The following FSTL4 variants were observed in gnomAD, a reference collection of about 807,000 sequenced individuals.
The protein encoded by FSTL4 is follistatin-related protein 4.
FSTL4 carries 28 observed loss-of-function variants against 78.2 expected under a neutral mutation model. The observed-to-expected ratio is 0.36, with a 90% CI of 0.27 to 0.49. The LOEUF (loss-of-function observed/expected upper bound fraction) is 0.49. FSTL4 is among the 20% of genes least tolerant of loss of function. FSTL4 has a pLI of 0.98. For missense variants in FSTL4, 922 were observed against 1,084.9 expected (o/e 0.85, Z 2.11); for synonymous variants, 422 against 440.5 (o/e 0.96, Z 0.53).
At chr5:133,292,179 A>G (rs1228376777) in intron 6 of FSTL4, among the ~76,000 whole-genome samples, 3 of 152,088 alleles carry the variant, frequency 2.0e-5, no homozygotes, top group Non-Finnish European at 2.9e-5. Flanking sequence ...TTCTTTCTCC[A>G]TCTCTGACCC....
chr5:133,322,588 G>A (rs1754098360), intron 4 of FSTL4, among the ~76,000 whole-genome samples: 1 of 152,172 alleles, frequency 6.6e-6, no homozygotes, highest in Non-Finnish European at 1.5e-5. Flanking sequence ...AATCCCATGG[G>A]GTCCTCAGAG....
chr5:133,293,376 C>T (rs1483671346), intron 6 of FSTL4, among the ~76,000 whole-genome samples: 2 of 152,206 alleles, frequency 1.3e-5, no homozygotes, highest in African/African-American at 4.8e-5. Context: ...CAGGTCGGTC[C>T]TCCTCAAACT....
rs141594006 is a variant in FSTL4, at chr5:133,260,129, C to T, written c.728-10553G>A. ...AAGTCTTTATCATCTGGGTCCCCGTCGTCCCAAGTTTCCTGGGGTTGGACT... is the reference window on the plus strand; with the variant it reads ...AAGTCTTTATCATCTGGGTCCCCGTTGTCCCAAGTTTCCTGGGGTTGGACT... On this transcript the variant is annotated intron_variant, in intron 6 of 15. Coordinates refer to ENST00000265342, the MANE Select transcript of FSTL4 (RefSeq NM_015082.2). 1.4e-3 allele frequency among the ~76,000 whole-genome samples: 210 copies of T among 152,356 alleles called. 1 individual carries two copies. The highest frequency in any genetic ancestry group is 4.7e-3 in the African/African-American group (195 of 41,576).
At chr5:133,209,031 C>T (rs1205303436) in intron 14 of FSTL4, among the ~76,000 whole-genome samples, 1 of 152,046 alleles carries the variant, frequency 6.6e-6, no homozygotes, top group African/African-American at 2.4e-5. Flanking sequence ...TTCTAGTGGC[C>T]CCTCCTCTTG....
the FSTL4 span, among the ~76,000 whole-genome samples, chr5:133,627,454 A>G: frequency 6.6e-6 from 1 of 152,180 alleles, no homozygotes; most frequent in African/African-American, 2.4e-5. Context: ...TGATTCAATT[A>G]TCTCTCACTG....
At chr5:133,221,870 T>C (rs1751117343) in intron 11 of FSTL4, among the ~76,000 whole-genome samples, 1 of 146,752 alleles carries the variant, frequency 6.8e-6, no homozygotes, top group African/African-American at 2.5e-5. Context: ...AGGGTAAATA[T>C]GTAGAAAAAT....
At chr5:133,831,218 G>T in the FSTL4 span, among the ~76,000 whole-genome samples, 2 of 152,178 alleles carry the variant, frequency 1.3e-5, no homozygotes, top group African/African-American at 4.8e-5. Context: ...CCCCATGGAA[G>T]GGTATGTCTG....
At chr5:133,430,050 A>G (rs1756903027) in intron 3 of FSTL4, among the ~76,000 whole-genome samples, 1 of 152,250 alleles carries the variant, frequency 6.6e-6, no homozygotes, top group Non-Finnish European at 1.5e-5. Context: ...TTGGACAGCC[A>G]TAAGATATAC....
chr5:133,332,026 C>T lies in FSTL4; in HGVS notation c.410-15374G>A, dbSNP rs556629515. On this transcript the variant is annotated intron_variant, in intron 4 of 15. Coordinates refer to ENST00000265342, the MANE Select transcript of FSTL4 (RefSeq NM_015082.2). ...TCTGAGCTGATGCGCAGGCTGTGGT[C>T]TCAGCTCACATCCAGAATGCAGGGC... Among the ~76,000 whole-genome samples, 5 of 152,304 alleles carry T rather than the reference C, an allele frequency of 3.3e-5. No homozygotes were observed. In the South Asian group the frequency reaches 6.2e-4, roughly 19 times the overall value.
At position 133,385,692 on chromosome 5, in the gene FSTL4, C is replaced by T. The variant is rs754552120; in HGVS notation, c.409+15046G>A. On this transcript the variant is annotated intron_variant, in intron 4 of 15. Transcript: ENST00000265342. ...GACTGCGCAGGTGCTCACTGCAAGG[C>T]CTCCTTCCTTTTTTAATTACAGGAA... 2.6e-5 allele frequency among the ~76,000 whole-genome samples: 4 copies of T among 152,344 alleles called. No individual in the cohort carries two copies. In the South Asian group the frequency reaches 8.3e-4, roughly 32 times the overall value.
chr5:133,670,750 T>C, the FSTL4 span, among the ~76,000 whole-genome samples: 1 of 152,244 alleles, frequency 6.6e-6, no homozygotes, highest in African/African-American at 2.4e-5. Flanking sequence ...AGATCCTGAA[T>C]GTTAAGCATT....
the FSTL4 span, among the ~76,000 whole-genome samples, chr5:133,808,059 T>A: frequency 2.0e-5 from 3 of 152,168 alleles, no homozygotes; most frequent in Non-Finnish European, 4.4e-5. Context: ...CTGCAATAGA[T>A]CCTTGTTAGA....
intron 15 of FSTL4, among the ~76,000 whole-genome samples, chr5:133,201,474 G>A (rs1750317725): frequency 1.3e-5 from 2 of 152,210 alleles, no homozygotes; most frequent in South Asian, 4.1e-4. Context: ...ACTGAAACAA[G>A]ACTTGGCTTT....
At chr5:133,724,571 T>C in the FSTL4 span, among the ~76,000 whole-genome samples, 3 of 152,190 alleles carry the variant, frequency 2.0e-5, no homozygotes, top group South Asian at 4.1e-4. Context: ...ATTTTTTAAA[T>C]GGGGTTGTCT....
At chr5:133,727,421 A>T in the FSTL4 span, among the ~76,000 whole-genome samples, 3 of 152,226 alleles carry the variant, frequency 2.0e-5, no homozygotes, top group Non-Finnish European at 4.4e-5. Context: ...TGCATCCTGA[A>T]GAGCAGCAGG....
intron 4 of FSTL4, among the ~76,000 whole-genome samples, chr5:133,398,381 G>A (rs1756128273): frequency 1.3e-5 from 2 of 152,162 alleles, no homozygotes; most frequent in Admixed American, 6.5e-5. Context: ...CTGGCTCTAG[G>A]TGGACATTGC....
At chr5:133,734,569 T>TG in the FSTL4 span, among the ~76,000 whole-genome samples, 1 of 152,132 alleles carries the variant, frequency 6.6e-6, no homozygotes, top group Non-Finnish European at 1.5e-5. Context: ...AGGCACACGA[T>TG]GGGGAGTCAT....
intron 14 of FSTL4, chr5:133,202,849 C>A (rs72801501): frequency 0.079 from 12,073 of 152,412 alleles, 668 homozygotes; most frequent in Non-Finnish European, 0.13. Context: ...GTGGACTTGG[C>A]AGGAGACAAG....
the FSTL4 span, among the ~76,000 whole-genome samples, chr5:133,788,493 C>T: frequency 6.6e-6 from 1 of 152,348 alleles, no homozygotes; most frequent in East Asian, 1.9e-4. Flanking sequence ...CTCCCAAGCC[C>T]CAACTGGCCA....
Sources: gnomAD v4.1 joint callset for allele counts (sites outside exome capture counted in the v4.1 genomes callset) on GRCh38, gnomAD v4.1.1 for gene constraint, MANE v1.5 for transcripts, NCBI Gene and HGNC (gene_info 2026-07-23, HGNC 2026-07-21) for gene names.